Variants in RIN3 observed in about 807,000 individuals in gnomAD.
The protein encoded by RIN3 is Ras and Rab interactor 3, also known as RAB5 interacting protein 3.
A neutral mutation model predicts 76.3 loss-of-function variants in RIN3; 54 were observed. That is an observed-to-expected ratio of 0.71 (90% CI 0.57 to 0.89). The LOEUF (loss-of-function observed/expected upper bound fraction) is 0.89, where lower values mean the gene tolerates loss of function less well. Among genes scored for constraint, RIN3 ranks in the 40% least tolerant of loss-of-function variants. The pLI, the probability that RIN3 is intolerant of heterozygous loss-of-function variation, is 0.00. For missense variants in RIN3, 1,256 were observed against 1,322.1 expected (o/e 0.95, Z 0.78); for synonymous variants, 576 against 564.0 (o/e 1.02, Z -0.30).
chr14:92,679,402 C>G (rs1183490578), intron 8 of RIN3, among the ~76,000 whole-genome samples: 1 of 152,238 alleles, frequency 6.6e-6, no homozygotes, highest in Admixed American at 6.5e-5. Flanking sequence ...GGGCACATCC[C>G]TGCACCTCTC....
intron 1 of RIN3, among the ~76,000 whole-genome samples, chr14:92,539,638 G>T (rs149121072): frequency 7.4e-4 from 112 of 152,300 alleles, no homozygotes; most frequent in African/African-American, 2.5e-3. Context: ...ACCTGCCCAG[G>T]ACAGGTGGTG....
At chr14:92,673,387 G>T (rs990716500) in intron 7 of RIN3, among the ~76,000 whole-genome samples, 1 of 152,132 alleles carries the variant, frequency 6.6e-6, no homozygotes, top group Non-Finnish European at 1.5e-5. Flanking sequence ...TTTCTCTCAG[G>T]TGTATATATA....
chr14:92,586,586 G>T (rs1450825576), intron 3 of RIN3: 8 of 152,106 alleles, frequency 5.3e-5, no homozygotes, highest in Non-Finnish European at 8.8e-5. Context: ...TCATAGTGGT[G>T]TATTCTTAGC....
intron 3 of RIN3, among the ~76,000 whole-genome samples, chr14:92,605,721 A>G (rs1426332501): frequency 1.3e-5 from 2 of 152,264 alleles, no homozygotes; most frequent in East Asian, 3.8e-4. Flanking sequence ...AAAACTGGGC[A>G]TATCTGAAAT....
intron 3 of RIN3, among the ~76,000 whole-genome samples, chr14:92,595,482 C>T (rs1885120856): frequency 6.6e-6 from 1 of 152,136 alleles, no homozygotes; most frequent in South Asian, 2.1e-4. Context: ...GGGGTTTTCC[C>T]AAAAGAGAAA....
intron 1 of RIN3, among the ~76,000 whole-genome samples, chr14:92,540,111 G>A (rs1350384482): frequency 1.3e-5 from 2 of 152,354 alleles, no homozygotes; most frequent in South Asian, 2.1e-4. Flanking sequence ...GGCCTGCAGC[G>A]CACACAGATG....
chr14:92,582,488 C>A (rs1027923029), intron 3 of RIN3, among the ~76,000 whole-genome samples: 4 of 144,498 alleles, frequency 2.8e-5, no homozygotes, highest in African/African-American at 1.0e-4. Flanking sequence ...TGCTCTATCG[C>A]CCAGGCCGGA....
At chr14:92,617,337 C>A (rs938089264) in intron 4 of RIN3, among the ~76,000 whole-genome samples, 4 of 152,010 alleles carry the variant, frequency 2.6e-5, no homozygotes, top group African/African-American at 9.7e-5. Context: ...TAAAAATTCC[C>A]CCCTTTTTGG....
intron 1 of RIN3, among the ~76,000 whole-genome samples, chr14:92,546,363 G>T (rs140308470): frequency 6.6e-6 from 1 of 152,106 alleles, no homozygotes; most frequent in African/African-American, 2.4e-5. Context: ...TTATCTTTTT[G>T]CTGGGAACAT....
At chr14:92,523,884 G>T (rs533384614) in intron 1 of RIN3, among the ~76,000 whole-genome samples, 15 of 152,192 alleles carry the variant, frequency 9.9e-5, no homozygotes, top group African/African-American at 3.4e-4. Context: ...TGGTGTCCCC[G>T]CCACACCAGC....
Position 92,641,961 on chromosome 14 carries a change from G to A in RIN3, c.532+632G>A, listed in dbSNP as rs80070905. ...GTGCCCTACAAGGAGGCAATCAGCA[G>A]GTGCCTACCTAGAATTAGGGCCTCA... On this transcript the variant is annotated intron_variant, in intron 5 of 9. Transcript: ENST00000216487. Among the ~76,000 whole-genome samples, 184 of 152,338 alleles carry A rather than the reference G, an allele frequency of 1.2e-3. 2 individuals are homozygous for A. The East Asian group carries it at 0.032, about 27-fold the overall frequency.
chr14:92,561,044 A>ATATATATAT (rs1410361225), intron 2 of RIN3, among the ~76,000 whole-genome samples: 5 of 24,404 alleles, frequency 2.0e-4, no homozygotes, highest in African/African-American at 3.9e-4. Context: ...AAAAAAAAAA[A>ATATATATAT]ATATATATAT....
At chr14:92,581,635 ACT>A (rs1373870830) in intron 3 of RIN3, among the ~76,000 whole-genome samples, 6 of 151,876 alleles carry the variant, frequency 4.0e-5, no homozygotes, top group African/African-American at 1.4e-4. Flanking sequence ...CAGGGTCACC[ACT>A]CTGCTGTCTC....
chr14:92,543,424 T>C (rs1234627680), intron 1 of RIN3, among the ~76,000 whole-genome samples: 1 of 152,092 alleles, frequency 6.6e-6, no homozygotes, highest in African/African-American at 2.4e-5. Context: ...TTCAAACAGA[T>C]ACAACTGCTG....
intron 2 of RIN3, among the ~76,000 whole-genome samples, chr14:92,563,672 C>G (rs1451079924): frequency 6.6e-6 from 1 of 152,126 alleles, no homozygotes; most frequent in Non-Finnish European, 1.5e-5. Context: ...AAGTGCTTCT[C>G]TTTTTCTTTT....
intron 1 of RIN3, among the ~76,000 whole-genome samples, chr14:92,521,994 A>C (rs1282021978): frequency 1.3e-5 from 2 of 148,198 alleles, no homozygotes; most frequent in Non-Finnish European, 3.0e-5. Flanking sequence ...CCGAGTGGGA[A>C]AGGACAAGTT....
Position 92,513,925 on chromosome 14 carries a change from C to T in RIN3, c.-8C>T. On this transcript the variant is annotated 5_prime_UTR_variant, in exon 1 of 10. Coordinates refer to ENST00000216487, the MANE Select transcript of RIN3 (RefSeq NM_024832.5). ...GCCTCCGTTCCCCGTCCCGGAGCTG[C>T]CGGCGGCATGATCCGACACGCCGGG... 8.0e-7 allele frequency: 1 copy of T among 1,250,464 alleles called. No individual in the cohort carries two copies. The highest frequency in any genetic ancestry group is 3.2e-5 in the East Asian group (1 of 31,564). The allele number at this position is 1,250,464 out of a possible 1,614,324, so 77.5% of individuals were successfully genotyped here.
intron 3 of RIN3, among the ~76,000 whole-genome samples, chr14:92,580,836 C>A (rs1315237364): frequency 6.6e-6 from 1 of 152,232 alleles, no homozygotes; most frequent in Admixed American, 6.5e-5. Flanking sequence ...TTGGCTAGAA[C>A]TTGGTCACAA....
intron 3 of RIN3, among the ~76,000 whole-genome samples, chr14:92,607,307 G>A (rs1002570337): frequency 9.2e-5 from 14 of 152,264 alleles, no homozygotes; most frequent in African/African-American, 3.1e-4. Flanking sequence ...TGGTGGGAAT[G>A]TCAAATGGTG....
Sources: gnomAD v4.1 joint callset for allele counts (sites outside exome capture counted in the v4.1 genomes callset) on GRCh38, gnomAD v4.1.1 for gene constraint, MANE v1.5 for transcripts, NCBI Gene and HGNC (gene_info 2026-07-23, HGNC 2026-07-21) for gene names.